The following TSPAN7 variants were observed in gnomAD, a reference collection of about 807,000 sequenced individuals.
The protein encoded by TSPAN7 is tetraspanin 7.
In TSPAN7, 1 loss-of-function variant was observed where a neutral mutation model predicts 17.6. That is an observed-to-expected ratio of 0.06 (90% CI 0.02 to 0.27). TSPAN7 has a LOEUF of 0.27. Among genes scored for constraint, TSPAN7 ranks in the 10% least tolerant of loss-of-function variants. TSPAN7 has a pLI of 1.00. For missense variants in TSPAN7, 112 were observed against 201.7 expected (o/e 0.56, Z 2.69); for synonymous variants, 78 against 79.0 (o/e 0.99, Z 0.07).
chrX:38,592,961 A>G (rs2069299705), intron 1 of TSPAN7, among the ~76,000 whole-genome samples: 2 of 111,154 alleles, frequency 1.8e-5, no homozygotes, highest in African/African-American at 6.5e-5. Context: ...TGATTCACTG[A>G]TAATTTTTTC....
chrX:38,631,288 C>T (rs139749671), intron 1 of TSPAN7, among the ~76,000 whole-genome samples: 1,644 of 109,334 alleles, frequency 0.015, 33 homozygotes, highest in African/African-American at 0.051. Flanking sequence ...ATTTCAGTGC[C>T]CCATCAATTT....
chrX:38,673,074 G>A (rs1382782628), intron 3 of TSPAN7, among the ~76,000 whole-genome samples: 3 of 111,640 alleles, frequency 2.7e-5, no homozygotes, highest in Non-Finnish European at 5.6e-5. Context: ...GCATGTAACT[G>A]GTATCTCTAT....
rs773088353 is a variant in TSPAN7 at position 38,638,923 on chromosome X, C to T, written c.82-27198C>T. ...AGACATACAGCAAGCAGGGACTTTG[C>T]TGGGGAAAGACGAAGTGTCTTTTCT... On this transcript the variant is annotated intron_variant, in intron 1 of 7. Coordinates refer to ENST00000378482, the MANE Select transcript of TSPAN7 (RefSeq NM_004615.4). 9.5e-4 allele frequency among the ~76,000 whole-genome samples: 106 copies of T among 111,599 alleles called. 1 individual carries two copies. The highest frequency in any genetic ancestry group is 1.5e-3 in the Admixed American group (16 of 10,512).
chrX:38,661,915 GT>G (rs1329441844), intron 1 of TSPAN7, among the ~76,000 whole-genome samples: 4 of 111,174 alleles, frequency 3.6e-5, no homozygotes, highest in African/African-American at 1.3e-4. Context: ...AAAAGTACAT[GT>G]GTGGAGTGAA....
At chrX:38,628,551 A>G (rs1602105256) in intron 1 of TSPAN7, among the ~76,000 whole-genome samples, 1 of 111,480 alleles carries the variant, frequency 9.0e-6, no homozygotes, top group East Asian at 2.8e-4. Context: ...CACAATAAAT[A>G]TCTCTGCATG....
intron 1 of TSPAN7, among the ~76,000 whole-genome samples, chrX:38,573,200 T>C: frequency 8.9e-6 from 1 of 111,933 alleles, no homozygotes; most frequent in Admixed American, 9.5e-5. Flanking sequence ...AATGAATAAA[T>C]TGGTCAGAAT....
chrX:38,651,236 C>T (rs1380223826), intron 1 of TSPAN7, among the ~76,000 whole-genome samples: 2 of 110,471 alleles, frequency 1.8e-5, no homozygotes, highest in South Asian at 3.9e-4. Flanking sequence ...GAGGCCGAGG[C>T]GGGTGGATCA....
chrX:38,607,872 A>G (rs1274398275), intron 1 of TSPAN7, among the ~76,000 whole-genome samples: 1 of 109,727 alleles, frequency 9.1e-6, no homozygotes, highest in Non-Finnish European at 1.9e-5. Flanking sequence ...GAAAAAAAAA[A>G]AAAAAAGGTG....
chrX:38,603,832 G>T lies in TSPAN7; in HGVS notation c.81+42205G>T, dbSNP rs1319282204. On this transcript the variant is annotated intron_variant, in intron 1 of 7. Transcript: ENST00000378482. ...TTAATATTTTATTTATTTTTTTGTT[G>T]TTTTTCTTTTGTATTTTTATTTATT... Among the ~76,000 whole-genome samples, 3 of 107,442 alleles carry T rather than the reference G, an allele frequency of 2.8e-5. No homozygotes were observed. In the Admixed American group the frequency reaches 3.0e-4, roughly 11 times the overall value. 93.3% of individuals were successfully genotyped at this position (107,442 alleles called of 115,157 possible). A position where few individuals can be genotyped will look rare whatever the true frequency, so the allele number is the denominator to read the frequency against.
chrX:38,566,906 C>A (rs925660393), intron 1 of TSPAN7, among the ~76,000 whole-genome samples: 1 of 111,296 alleles, frequency 9.0e-6, no homozygotes, highest in Admixed American at 9.5e-5. Flanking sequence ...AGATTTAAAT[C>A]CACCATGTGT....
chrX:38,668,058 A>G (rs1476230592), intron 2 of TSPAN7, among the ~76,000 whole-genome samples: 1 of 112,153 alleles, frequency 8.9e-6, no homozygotes, highest in African/African-American at 3.2e-5. Context: ...GAGAAAAGAA[A>G]AAATTCTAAA....
chrX:38,666,228 C>T lies in TSPAN7; in HGVS notation c.189C>T (p.Ile63=), dbSNP rs1218329230. 7 of 1,209,742 alleles carry T rather than the reference C, an allele frequency of 5.8e-6. No homozygotes were observed. The Admixed American group carries it at 8.7e-5, about 15-fold the overall frequency. Residue 63 remains isoleucine, a synonymous_variant, in exon 2 of 8, where the codon ATC becomes ATT. Coordinates refer to ENST00000378482, the MANE Select transcript of TSPAN7 (RefSeq NM_004615.4). ...ENSTNAPYVL[I]GTGTTIVVFG... ...CCACAAATGCTCCCTATGTGCTCATCGGAACTGGCACCACTATTGTTGTCT... is the reference window on the plus strand; with the variant it reads ...CCACAAATGCTCCCTATGTGCTCATTGGAACTGGCACCACTATTGTTGTCT...
At chrX:38,623,522 C>A (rs2069501373) in intron 1 of TSPAN7, among the ~76,000 whole-genome samples, 1 of 109,495 alleles carries the variant, frequency 9.1e-6, no homozygotes, top group Non-Finnish European at 1.9e-5. Flanking sequence ...AGGGTGGGTT[C>A]CAGGTCTCAG....
At chrX:38,681,475 A>G (rs969297912) in intron 6 of TSPAN7, among the ~76,000 whole-genome samples, 188 bp downstream of exon 6, 2 of 112,367 alleles carry the variant, frequency 1.8e-5, no homozygotes, top group African/African-American at 3.2e-5. Context: ...AAGTTTTGTC[A>G]TCAAGGGAAT....
At chrX:38,602,684 G>A (rs964536583) in intron 1 of TSPAN7, among the ~76,000 whole-genome samples, 7 of 111,959 alleles carry the variant, frequency 6.3e-5, no homozygotes, top group African/African-American at 2.3e-4. Flanking sequence ...AGCAGGGTAA[G>A]AGAATGGAGA....
chrX:38,624,772 G>A lies in TSPAN7; in HGVS notation c.82-41349G>A, dbSNP rs184951815. On this transcript the variant is annotated intron_variant, in intron 1 of 7. Transcript: ENST00000378482. ...TCTAAAGTGGTAGTTCTCAAACTTG[G>A]CTGTACGTTGGTATCACCTGGGTTT... 1.5e-4 allele frequency among the ~76,000 whole-genome samples: 17 copies of A among 112,800 alleles called. 1 individual carries two copies. In the East Asian group the frequency reaches 4.5e-3, roughly 30 times the overall value.
chrX:38,625,679 T>A (rs762596120), intron 1 of TSPAN7, among the ~76,000 whole-genome samples: 1 of 111,317 alleles, frequency 9.0e-6, no homozygotes, highest in East Asian at 2.8e-4. Context: ...AATAATAGAG[T>A]AGAGATCCCA....
intron 1 of TSPAN7, among the ~76,000 whole-genome samples, chrX:38,658,347 A>ATT (rs369416380): frequency 5.8e-4 from 58 of 99,467 alleles, no homozygotes; most frequent in African/African-American, 1.8e-3. Flanking sequence ...CACCTGGCTA[A>ATT]TTTTTTTTTT....
chrX:38,674,976 A>G (rs975876366), intron 4 of TSPAN7, among the ~76,000 whole-genome samples: 2 of 112,459 alleles, frequency 1.8e-5, no homozygotes, highest in African/African-American at 6.5e-5. Context: ...TCCAACATAT[A>G]CAGAAAAGTC....
Sources: gnomAD v4.1 joint callset for allele counts (sites outside exome capture counted in the v4.1 genomes callset) on GRCh38, gnomAD v4.1.1 for gene constraint, MANE v1.5 for transcripts, NCBI Gene and HGNC (gene_info 2026-07-23, HGNC 2026-07-21) for gene names.